MDFIC2: variants seen among roughly 807,000 people sequenced by gnomAD.
MDFIC2 encodes the protein MyoD family inhibitor domain containing 2.
intron 2 of MDFIC2, among the ~76,000 whole-genome samples, chr3:70,229,835 A>C (rs999989870): frequency 1.3e-5 from 2 of 152,176 alleles, no homozygotes; most frequent in Non-Finnish European, 2.9e-5. Flanking sequence ...TTGGAGGTCA[A>C]TATTTGAAAC....
chr3:70,267,349 C>T (rs941984492), intron 2 of MDFIC2, among the ~76,000 whole-genome samples: 1 of 146,292 alleles, frequency 6.8e-6, no homozygotes, highest in Non-Finnish European at 1.5e-5. Flanking sequence ...CCTACCTTTA[C>T]AGGATTATAG....
chr3:70,277,050 G>T (rs922752803), intron 2 of MDFIC2, among the ~76,000 whole-genome samples: 2 of 151,900 alleles, frequency 1.3e-5, no homozygotes, highest in South Asian at 2.1e-4. Flanking sequence ...TACCAAATTT[G>T]AAATGAGTGA....
intron 2 of MDFIC2, among the ~76,000 whole-genome samples, chr3:70,278,216 C>A (rs1702046862): frequency 6.6e-6 from 1 of 152,024 alleles, no homozygotes; most frequent in Non-Finnish European, 1.5e-5. Flanking sequence ...CTTTATTTGT[C>A]CAACGTTTTG....
intron 2 of MDFIC2, among the ~76,000 whole-genome samples, chr3:70,278,596 T>G (rs1522345): frequency 0.6 from 90,154 of 151,354 alleles, 28,092 homozygotes; most frequent in Non-Finnish European, 0.7. Context: ...TTAATAGATT[T>G]GAATGCCTTT....
chr3:70,214,874 T>C (rs923284161), intron 2 of MDFIC2, among the ~76,000 whole-genome samples: 1 of 152,050 alleles, frequency 6.6e-6, no homozygotes, highest in Admixed American at 6.6e-5. Context: ...ATAAAGATTA[T>C]GTTATCTGAG....
chr3:70,255,837 G>A (rs939152266), intron 2 of MDFIC2, among the ~76,000 whole-genome samples: 12 of 152,274 alleles, frequency 7.9e-5, no homozygotes, highest in Middle Eastern at 3.4e-3. Context: ...CCAATTGATG[G>A]AAGCCTCCAT....
At chr3:70,211,669 CTTCCCTTTCCT>C (rs1386468380) in intron 2 of MDFIC2, among the ~76,000 whole-genome samples, 2 of 130,552 alleles carry the variant, frequency 1.5e-5, no homozygotes, top group African/African-American at 5.9e-5. Flanking sequence ...TTCCCTTTCC[CTTCCCTTTCCT>C]TCCTTTCCCT....
intron 2 of MDFIC2, among the ~76,000 whole-genome samples, chr3:70,280,948 C>A (rs1189378373): frequency 6.6e-6 from 1 of 152,092 alleles, no homozygotes; most frequent in East Asian, 1.9e-4. Flanking sequence ...CATATCATAC[C>A]CTTTTTGTGT....
chr3:70,292,563 TGTAA>T (rs1332728209), intron 2 of MDFIC2, among the ~76,000 whole-genome samples: 6 of 152,152 alleles, frequency 3.9e-5, no homozygotes, highest in Non-Finnish European at 8.8e-5. Context: ...TTTATAAACT[TGTAA>T]GTATTTTTTA....
intron 2 of MDFIC2, among the ~76,000 whole-genome samples, chr3:70,301,573 A>G (rs1194292377): frequency 6.6e-6 from 1 of 152,006 alleles, no homozygotes; most frequent in Non-Finnish European, 1.5e-5. Flanking sequence ...TTAATTATAT[A>G]TTATTTTGTA....
At chr3:70,308,919 T>C (rs1317016955) in intron 2 of MDFIC2, among the ~76,000 whole-genome samples, 3 of 152,158 alleles carry the variant, frequency 2.0e-5, no homozygotes, top group African/African-American at 7.2e-5. Flanking sequence ...AATAAGGCAT[T>C]GCTGTGATTA....
At chr3:70,260,895 G>A (rs544691341) in intron 2 of MDFIC2, among the ~76,000 whole-genome samples, 2 of 152,174 alleles carry the variant, frequency 1.3e-5, no homozygotes, top group African/African-American at 4.8e-5. Flanking sequence ...TTCCTGCTGA[G>A]ATCAGGACCA....
At chr3:70,284,701 C>A (rs766043425) in intron 2 of MDFIC2, among the ~76,000 whole-genome samples, 8 of 152,092 alleles carry the variant, frequency 5.3e-5, no homozygotes, top group Non-Finnish European at 8.8e-5. Context: ...ACAATGAGAA[C>A]ACATGGCCAC....
intron 2 of MDFIC2, among the ~76,000 whole-genome samples, chr3:70,207,831 G>A (rs1011028969): frequency 6.6e-6 from 1 of 151,892 alleles, no homozygotes; most frequent in Non-Finnish European, 1.5e-5. Flanking sequence ...TGAAAATTTC[G>A]ATATCTGTGG....
At chr3:70,230,413 C>T (rs1178357730) in intron 2 of MDFIC2, among the ~76,000 whole-genome samples, 1 of 152,054 alleles carries the variant, frequency 6.6e-6, no homozygotes, top group East Asian at 1.9e-4. Context: ...TGGTGTCAAA[C>T]GCTTATTTTT....
At chr3:70,214,016 G>A (rs939274160) in intron 2 of MDFIC2, among the ~76,000 whole-genome samples, 4 of 152,044 alleles carry the variant, frequency 2.6e-5, no homozygotes, top group African/African-American at 9.7e-5. Context: ...TTTGAAAGCT[G>A]GGTAATAAAG....
At chr3:70,206,398 A>G (rs1246421404) in intron 3 of MDFIC2, among the ~76,000 whole-genome samples, 171 bp downstream of exon 3, 1 of 152,118 alleles carries the variant, frequency 6.6e-6, no homozygotes, top group Non-Finnish European at 1.5e-5. Flanking sequence ...CAAGCGCCTC[A>G]TAACTGCAAA....
intron 2 of MDFIC2, among the ~76,000 whole-genome samples, chr3:70,275,496 G>A (rs1702015382): frequency 6.6e-6 from 1 of 152,050 alleles, no homozygotes; most frequent in Admixed American, 6.6e-5. Context: ...GAGCCTAGGT[G>A]GCAAAGCAAG....
At chr3:70,233,508 A>G (rs1701580619) in intron 2 of MDFIC2, among the ~76,000 whole-genome samples, 1 of 152,230 alleles carries the variant, frequency 6.6e-6, no homozygotes, top group Non-Finnish European at 1.5e-5. Context: ...ATTACATACA[A>G]TAATTGACAA....
Sources: allele counts gnomAD v4.1 joint callset (sites outside exome capture counted in the v4.1 genomes callset), GRCh38; gene constraint gnomAD v4.1.1; transcripts MANE v1.5; gene names NCBI Gene and HGNC (gene_info 2026-07-23, HGNC 2026-07-21).